The following RRP1 variants were observed in gnomAD, a reference collection of about 807,000 sequenced individuals.
RRP1 encodes the protein ribosomal RNA processing protein 1 homolog A.
RRP1 carries 37 observed loss-of-function variants against 54.6 expected under a neutral mutation model. The ratio of observed to expected loss-of-function variants is 0.68; its 90% CI spans 0.52 to 0.89. The LOEUF (loss-of-function observed/expected upper bound fraction) is 0.89, where lower values mean the gene tolerates loss of function less well. Among genes scored for constraint, RRP1 ranks in the 40% least tolerant of loss-of-function variants. RRP1 has a pLI of 0.00. For missense variants in RRP1, 639 were observed against 612.5 expected (o/e 1.04, Z -0.46); for synonymous variants, 262 against 244.3 (o/e 1.07, Z -0.67).
intron 2 of RRP1, 51 bp downstream of exon 2, chr21:43,791,483 A>T (rs765203493): frequency 5.3e-6 from 8 of 1,521,354 alleles, no homozygotes; most frequent in Non-Finnish European, 7.3e-6. Context: ...GGGAGGATGG[A>T]TGGGCATCTG....
Position 43,795,409 on chromosome 21 carries a change from T to C in RRP1, c.422+159T>C, listed in dbSNP as rs142354343. On this transcript the variant is annotated intron_variant, in intron 5 of 12. Transcript: ENST00000497547. ...AGATAGTTTTTAAAGTAAAAATCAG[T>C]TTGTGTGTTTGTGGAAATGATGCCA... Among the ~76,000 whole-genome samples, 441 of 152,154 alleles carry C rather than the reference T, an allele frequency of 2.9e-3. 3 individuals carry two copies. The highest frequency in any genetic ancestry group is 9.8e-3 in the African/African-American group (407 of 41,500).
chr21:43,798,192 C>A, intron 8 of RRP1, 92 bp downstream of exon 8: 1 of 1,104,096 alleles, frequency 9.1e-7, no homozygotes, highest in Non-Finnish European at 1.3e-6. Context: ...CCACCTCCTA[C>A]CTGGTCCCCT....
In RRP1 at chr21:43,804,086, C is replaced by T. The variant is rs751416649; in HGVS notation, c.*312C>T. The stretch of plus-strand genomic sequence containing the variant: ...GGGGGGTTCAGAAAATAAAATGCCG[C>T]GCAGCCCTTGCCAGGGGAAGTGTCG... On this transcript the variant is annotated 3_prime_UTR_variant, in exon 13 of 13. Coordinates refer to ENST00000497547, the MANE Select transcript of RRP1 (RefSeq NM_003683.6). The surrounding 1 kb of genome is among the most constrained non-coding windows in gnomAD (Gnocchi z 4.3). The T allele has an allele frequency of 1.5e-3, 344 of 227,456 alleles. 2 individuals carry two copies. Among genetic ancestry groups the T allele is most frequent in the Non-Finnish European group, 1.1e-3 (151 of 141,422 alleles). 14.1% of individuals were successfully genotyped at this position (227,456 alleles called of 1,614,324 possible).
chr21:43,789,813 C>T, intron 1 of RRP1, 51 bp downstream of exon 1: 2 of 1,440,274 alleles, frequency 1.4e-6, no homozygotes, highest in Non-Finnish European at 9.1e-7. Context: ...TGGGCTGGTG[C>T]GGGTGTGGGC....
chr21:43,802,234 C>G, intron 11 of RRP1, 40 bp from the exon 12 acceptor site: 1 of 1,486,266 alleles, frequency 6.7e-7, no homozygotes, highest in Non-Finnish European at 9.4e-7. Context: ...CATAAGTCCC[C>G]AGCCCCCGAG....
Position 43,797,855 on chromosome 21 carries a change from T to G in RRP1, c.618-52T>G, listed in dbSNP as rs529075299. The G allele has an allele frequency of 5.0e-5, 80 of 1,585,780 alleles. 1 individual carries two copies. In the East Asian group the frequency reaches 1.8e-3, roughly 36 times the overall value. Reference sequence around the variant, plus strand: ...TTGCAGGGGAGTCGGCGGCTTCCGCTTGGGAATCCAGCATAACGGGCCTGC... The same window carrying G: ...TTGCAGGGGAGTCGGCGGCTTCCGCGTGGGAATCCAGCATAACGGGCCTGC... On this transcript the variant is annotated intron_variant, in intron 7 of 12. Coordinates refer to ENST00000497547, the MANE Select transcript of RRP1 (RefSeq NM_003683.6).
chr21:43,800,833 G>GT, intron 10 of RRP1, 29 bp from the exon 11 acceptor site: 5 of 1,613,222 alleles, frequency 3.1e-6, no homozygotes, highest in Non-Finnish European at 4.2e-6. Flanking sequence ...CGCAGCTGTG[G>GT]TAAGTGGGTA....
At chr21:43,790,231 C>T (rs1414898432) in intron 1 of RRP1, among the ~76,000 whole-genome samples, 1 of 152,180 alleles carries the variant, frequency 6.6e-6, no homozygotes, top group Non-Finnish European at 1.5e-5. Context: ...CGAGCGTGGT[C>T]CCCCATCAGC....
intron 3 of RRP1, 72 bp from the exon 4 acceptor site, chr21:43,793,247 A>G (rs2084979380): frequency 7.3e-7 from 1 of 1,367,204 alleles, no homozygotes; most frequent in Non-Finnish European, 1.0e-6. Flanking sequence ...GGGTTCCTCC[A>G]TGTTCTCACC....
rs971115722 is a variant in RRP1 at position 43,804,150 on chromosome 21, C to T, written c.*376C>T. 8 of 223,734 alleles carry T rather than the reference C, an allele frequency of 3.6e-5. No homozygotes were observed. Among genetic ancestry groups the T allele is most frequent in the Non-Finnish European group, 1.7e-5 (2 of 114,850 alleles). The allele number at this position is 223,734 out of a possible 1,614,324, so 13.9% of individuals were successfully genotyped here. A position where few individuals can be genotyped will look rare whatever the true frequency, so the allele number is the denominator to read the frequency against. On this transcript the variant is annotated 3_prime_UTR_variant, in exon 13 of 13. Coordinates refer to ENST00000497547, the MANE Select transcript of RRP1 (RefSeq NM_003683.6). This position sits in a 1 kb window ranked among gnomAD's most constrained non-coding sequence, Gnocchi z 4.3. ...CTACGGACGTGTGGGAGGTGGCAGGCGCCAGCCTCCGAGCAGTGTGGTGGT... is the reference window on the plus strand; with the variant it reads ...CTACGGACGTGTGGGAGGTGGCAGGTGCCAGCCTCCGAGCAGTGTGGTGGT...
chr21:43,792,607 G>A (rs1295782299), intron 2 of RRP1, 65 bp from the exon 3 acceptor site: 4 of 1,507,554 alleles, frequency 2.7e-6, no homozygotes, highest in Non-Finnish European at 3.7e-6. Flanking sequence ...GGGTGGTTGC[G>A]TGTGTGTCAT....
intron 9 of RRP1, among the ~76,000 whole-genome samples, chr21:43,800,311 G>T (rs892428364): frequency 6.6e-6 from 1 of 152,122 alleles, no homozygotes; most frequent in South Asian, 2.1e-4. Context: ...GTGCCCCGCA[G>T]TGCGCCCGCA....
chr21:43,795,388 A>T, intron 5 of RRP1, 138 bp downstream of exon 5: 1 of 794,286 alleles, frequency 1.3e-6, no homozygotes, highest in Non-Finnish European at 2.1e-6. Flanking sequence ...GAGAGAAGAT[A>T]GTTTTTAAAG....
Position 43,798,005 on chromosome 21 carries a change from A to G in RRP1, c.716A>G (p.Gln239Arg), listed in dbSNP as rs761522934. 6.2e-7 allele frequency: 1 copy of G among 1,614,190 alleles called. No homozygotes were observed. Among genetic ancestry groups the G allele is most frequent in the East Asian group, 2.2e-5 (1 of 44,882 alleles). Residue 239 changes from glutamine to arginine, a missense_variant, in exon 8 of 13, where the codon CAG becomes CGG. Physicochemically the swap from Gln to Arg is conservative, Grantham distance 43. Transcript: ENST00000497547. ...IEDLLNELDT[Q>R]DEEVASDSDE... ...GACCTCCTGAATGAACTGGACACAC[A>G]GGATGAGGAGGTGGCGTCGGACAGT... is the stretch of plus-strand genomic sequence containing the variant.
Position 43,793,418 on chromosome 21 carries a change from C to G in RRP1, c.360+14C>G, listed in dbSNP as rs377522982. The G allele has an allele frequency of 1.2e-6, 2 of 1,609,260 alleles. No homozygotes were observed. Among genetic ancestry groups the G allele is most frequent in the Admixed American group, 3.3e-5 (2 of 59,972 alleles). ...AAATTCTACATGGTGAGGCAGCCACCAGGGTGCCGGCGGGCGGGGGCAGCG... is the reference window on the plus strand; with the variant it reads ...AAATTCTACATGGTGAGGCAGCCACGAGGGTGCCGGCGGGCGGGGGCAGCG... On this transcript the variant is annotated intron_variant, in intron 4 of 12. Coordinates refer to ENST00000497547, the MANE Select transcript of RRP1 (RefSeq NM_003683.6).
In RRP1 at chr21:43,802,269, C is replaced by T. The variant is rs2085102225; in HGVS notation, c.1010-5C>T. Reference sequence around the variant, plus strand: ...GAGCCCCCTGACTTCTGCCCTGGTTCTCAGGCATTTTCCCTGAAGATGAGA... The same window carrying T: ...GAGCCCCCTGACTTCTGCCCTGGTTTTCAGGCATTTTCCCTGAAGATGAGA... On this transcript the variant is annotated splice_region_variant and splice_polypyrimidine_tract_variant and intron_variant, in intron 11 of 12. Coordinates refer to ENST00000497547, the MANE Select transcript of RRP1 (RefSeq NM_003683.6). The T allele has an allele frequency of 1.2e-6, 2 of 1,609,806 alleles. No homozygotes were observed. The highest frequency in any genetic ancestry group is 1.3e-5 in the African/African-American group (1 of 74,778).
At chr21:43,803,452 G>A (rs994857599) in intron 12 of RRP1, 60 bp from the exon 13 acceptor site, 9 of 1,481,414 alleles carry the variant, frequency 6.1e-6, no homozygotes, top group Middle Eastern at 2.4e-4. Flanking sequence ...CTGAGTTGGA[G>A]TAAGTGGAAA....
Position 43,802,363 on chromosome 21 carries a change from C to T in RRP1, c.1099C>T (p.Leu367=). The change falls in exon 12 of 13, where the codon CTG becomes TTG. Residue 367 remains leucine (L), a synonymous_variant. Coordinates refer to ENST00000497547, the MANE Select transcript of RRP1 (RefSeq NM_003683.6). The part of the protein sequence containing the change: ...RQKKTKKQKR[L]LRLQQERGKG... Reference sequence around the variant, plus strand: ...GAAGAAGACGAAGAAGCAGAAGCGTCTGCTCAGGTTGCAGCAGGAGAGAGG... The same window carrying T: ...GAAGAAGACGAAGAAGCAGAAGCGTTTGCTCAGGTTGCAGCAGGAGAGAGG... 2 of 1,613,996 alleles carry T rather than the reference C, an allele frequency of 1.2e-6. No homozygotes were observed. The highest frequency in any genetic ancestry group is 1.7e-6 in the Non-Finnish European group (2 of 1,179,982).
rs190820090 is a variant in RRP1 at position 43,796,556 on chromosome 21, C to T, written c.423-866C>T. Among the ~76,000 whole-genome samples the T allele has an allele frequency of 3.3e-5, 5 of 152,248 alleles. No homozygotes were observed. In the East Asian group the frequency reaches 7.7e-4, roughly 24 times the overall value. On this transcript the variant is annotated intron_variant, in intron 5 of 12. Transcript: ENST00000497547. The stretch of plus-strand genomic sequence containing the variant: ...CTCTTGGATCTCCTGCAGGCATAAC[C>T]AGGCTGTCATTAATATCCACGCCAT...
Sources: gnomAD v4.1 joint callset for allele counts (sites outside exome capture counted in the v4.1 genomes callset) on GRCh38, gnomAD v4.1.1 for gene constraint, Gnocchi (gnomAD v3.1) non-coding constraint, MANE v1.5 for transcripts, NCBI Gene and HGNC (gene_info 2026-07-23, HGNC 2026-07-21) for gene names.